Variants in HS6ST3 observed in about 807,000 individuals in gnomAD.
HS6ST3 encodes the protein heparan-sulfate 6-O-sulfotransferase 3.
A neutral mutation model predicts 36.7 loss-of-function variants in HS6ST3; 12 were observed. The observed-to-expected ratio is 0.33, with a 90% CI of 0.21 to 0.53. The LOEUF (loss-of-function observed/expected upper bound fraction) is 0.53. Ranked by LOEUF, HS6ST3 falls within the 20% of genes least tolerant of loss-of-function variation. HS6ST3 has a pLI of 0.95. For missense variants in HS6ST3, 584 were observed against 640.9 expected, an observed-to-expected ratio of 0.91 and a Z score of 0.96; for synonymous variants, 240 against 257.5, an observed-to-expected ratio of 0.93 and a Z score of 0.65.
Position 96,090,624 on chromosome 13 carries a change from C to G in HS6ST3, c.-239C>G, listed in dbSNP as rs866383931. On this transcript the variant is annotated 5_prime_UTR_variant, in exon 1 of 2. Transcript: ENST00000376705. ...GCACCCGGGAGCGCAGGGCGCCCCA[C>G]GCCGCAGCCGCAGCCGAGCGCGCCG... 9.6e-5 allele frequency among the ~76,000 whole-genome samples: 14 copies of G among 146,276 alleles called. No individual in the cohort carries two copies. The highest frequency in any genetic ancestry group is 3.2e-4 in the African/African-American group (13 of 40,904).
chr13:96,374,661 T>C (rs905860808), intron 1 of HS6ST3, among the ~76,000 whole-genome samples: 2 of 152,118 alleles, frequency 1.3e-5, no homozygotes, highest in African/African-American at 4.8e-5. Flanking sequence ...GAAAATGCCA[T>C]GAGGGTCTTG....
chr13:96,380,843 T>TA (rs1218098548), intron 1 of HS6ST3, among the ~76,000 whole-genome samples: 1 of 152,190 alleles, frequency 6.6e-6, no homozygotes, highest in Non-Finnish European at 1.5e-5. Context: ...TCTGTCGATG[T>TA]AAAAAGAAAT....
intron 1 of HS6ST3, among the ~76,000 whole-genome samples, chr13:96,322,430 G>A (rs914924498): frequency 2.0e-5 from 3 of 150,904 alleles, no homozygotes; most frequent in Non-Finnish European, 2.9e-5. Flanking sequence ...GGTGGTTCAC[G>A]CCTGTAGTCC....
chr13:96,429,562 A>G (rs1380299087), intron 1 of HS6ST3, among the ~76,000 whole-genome samples: 1 of 152,200 alleles, frequency 6.6e-6, no homozygotes, highest in South Asian at 2.1e-4. Flanking sequence ...TCTTCCCTGT[A>G]TAAGTTCATT....
chr13:96,192,478 T>C (rs193272406), intron 1 of HS6ST3, among the ~76,000 whole-genome samples: 2 of 152,264 alleles, frequency 1.3e-5, no homozygotes, highest in East Asian at 3.9e-4. Flanking sequence ...CCTGTGTCTA[T>C]TATTTCCATC....
intron 1 of HS6ST3, among the ~76,000 whole-genome samples, chr13:96,655,124 T>C (rs1169704423): frequency 6.6e-6 from 1 of 152,160 alleles, no homozygotes; most frequent in African/African-American, 2.4e-5. Flanking sequence ...TAAGTTTATA[T>C]TTTCTCTCTG....
chr13:96,244,473 G>C (rs2139374211), intron 1 of HS6ST3, among the ~76,000 whole-genome samples: 1 of 152,168 alleles, frequency 6.6e-6, no homozygotes, highest in African/African-American at 2.4e-5. Flanking sequence ...TAATCAAGGA[G>C]GTGTGCTAAT....
intron 1 of HS6ST3, among the ~76,000 whole-genome samples, chr13:96,224,570 C>T (rs1192444833): frequency 6.6e-6 from 1 of 152,206 alleles, no homozygotes; most frequent in Non-Finnish European, 1.5e-5. Flanking sequence ...CTGCCTTGGC[C>T]TCCCAAAGTG....
At chr13:96,749,536 G>C (rs1225530316) in intron 1 of HS6ST3, among the ~76,000 whole-genome samples, 1 of 152,024 alleles carries the variant, frequency 6.6e-6, no homozygotes, top group Non-Finnish European at 1.5e-5. Context: ...GCCCAACTTT[G>C]GAGCCAATGT....
At chr13:96,111,527 G>C (rs998888795) in intron 1 of HS6ST3, among the ~76,000 whole-genome samples, 1 of 152,042 alleles carries the variant, frequency 6.6e-6, no homozygotes, top group Non-Finnish European at 1.5e-5. Context: ...TTGTCATTGG[G>C]TTAAGTTTGT....
intron 1 of HS6ST3, among the ~76,000 whole-genome samples, chr13:96,488,150 T>C (rs1225086347): frequency 6.6e-6 from 1 of 152,152 alleles, no homozygotes; most frequent in African/African-American, 2.4e-5. Flanking sequence ...TTCTCCCGGT[T>C]TGGCTTCCTC....
At chr13:96,734,871 T>C (rs925474602) in intron 1 of HS6ST3, among the ~76,000 whole-genome samples, 8 of 152,158 alleles carry the variant, frequency 5.3e-5, no homozygotes, top group African/African-American at 1.9e-4. Flanking sequence ...GTGTAGCTTC[T>C]ACTAATGGGT....
chr13:96,304,992 C>A (rs546017981), intron 1 of HS6ST3, among the ~76,000 whole-genome samples: 2 of 152,102 alleles, frequency 1.3e-5, no homozygotes, highest in African/African-American at 4.8e-5. Flanking sequence ...CAGGCATGAG[C>A]CACTGGATGT....
At chr13:96,270,508 G>T (rs1240085977) in intron 1 of HS6ST3, among the ~76,000 whole-genome samples, 2 of 151,982 alleles carry the variant, frequency 1.3e-5, no homozygotes, top group Admixed American at 6.6e-5. Flanking sequence ...AATTTAAAAA[G>T]TTGGATTATG....
chr13:96,461,684 T>G (rs2055785059), intron 1 of HS6ST3, among the ~76,000 whole-genome samples: 1 of 152,224 alleles, frequency 6.6e-6, no homozygotes, highest in Non-Finnish European at 1.5e-5. Context: ...GCTTTCACCC[T>G]GAGGTTTTCT....
At chr13:96,178,594 G>C (rs150368392) in intron 1 of HS6ST3, among the ~76,000 whole-genome samples, 1,636 of 152,098 alleles carry the variant, frequency 0.011, 32 homozygotes, top group African/African-American at 0.038. Context: ...TCTTAAAAAA[G>C]CCTTTCTGTA....
At chr13:96,375,020 C>T (rs1314988820) in intron 1 of HS6ST3, among the ~76,000 whole-genome samples, 1 of 151,956 alleles carries the variant, frequency 6.6e-6, no homozygotes. Flanking sequence ...ATATCGTAGG[C>T]CAGTCTCCTC....
chr13:96,583,897 G>T (rs958937909), intron 1 of HS6ST3, among the ~76,000 whole-genome samples: 2 of 152,142 alleles, frequency 1.3e-5, no homozygotes, highest in African/African-American at 4.8e-5. Context: ...CCTGTGCATT[G>T]TAAGATGCTT....
intron 1 of HS6ST3, among the ~76,000 whole-genome samples, chr13:96,589,261 A>T (rs2056374132): frequency 6.6e-6 from 1 of 151,954 alleles, no homozygotes; most frequent in Non-Finnish European, 1.5e-5. Flanking sequence ...TTTCTTCATA[A>T]TTCAGTCTGA....
Sources: gnomAD v4.1 joint callset for allele counts (sites outside exome capture counted in the v4.1 genomes callset) on GRCh38, gnomAD v4.1.1 for gene constraint, MANE v1.5 for transcripts, NCBI Gene and HGNC (gene_info 2026-07-23, HGNC 2026-07-21) for gene names.